GPR155: variants seen among roughly 807,000 people sequenced by gnomAD.
The protein encoded by GPR155 is G protein-coupled receptor 155.
A neutral mutation model predicts 93.1 loss-of-function variants in GPR155; 65 were observed. The observed-to-expected ratio is 0.70, with a 90% CI of 0.57 to 0.86. The LOEUF is 0.86. Ranked by LOEUF, GPR155 falls within the 40% of genes least tolerant of loss-of-function variation. The pLI is 0.00. For missense variants in GPR155, 838 were observed against 1,034.8 expected (o/e 0.81, Z 2.61); for synonymous variants, 319 against 360.1 (o/e 0.89, Z 1.29).
intron 10 of GPR155, among the ~76,000 whole-genome samples, chr2:174,459,070 G>A (rs1437446724): frequency 6.6e-6 from 1 of 152,024 alleles, no homozygotes; most frequent in African/African-American, 2.4e-5. Flanking sequence ...GTAACAGAGC[G>A]AGACTCTGTG....
rs575949195 is a variant in GPR155, at chr2:174,469,949, C to T, written c.1026+441G>A. Reference sequence around the variant, plus strand: ...CAATCTTAACTCACTGCAACCTCTGCCTCCTGGGTTCAAACAAATCTTGTG... The same window carrying T: ...CAATCTTAACTCACTGCAACCTCTGTCTCCTGGGTTCAAACAAATCTTGTG... On this transcript the variant is annotated intron_variant, in intron 4 of 15. Coordinates refer to ENST00000392552, the MANE Select transcript of GPR155 (RefSeq NM_152529.7). Among the ~76,000 whole-genome samples the T allele has an allele frequency of 3.9e-5, 6 of 152,262 alleles. No homozygotes were observed. In the South Asian group the frequency reaches 1.2e-3, roughly 32 times the overall value.
intron 11 of GPR155, 68 bp from the exon 12 acceptor site, chr2:174,446,815 T>A (rs1159003380): frequency 2.1e-6 from 3 of 1,425,422 alleles, no homozygotes; most frequent in Non-Finnish European, 2.9e-6. Context: ...AAATTTGTAA[T>A]GACTTCCTAA....
rs1044546018 is a variant in GPR155, at chr2:174,433,403, T to C, written c.*2713A>G. 1 of 152,232 alleles carries C rather than the reference T, an allele frequency of 6.6e-6. No individual in the cohort carries two copies. The highest frequency in any genetic ancestry group is 2.4e-5 in the African/African-American group (1 of 41,466). The allele number at this position is 152,232 out of a possible 1,614,324, so 9.4% of individuals were successfully genotyped here. On this transcript the variant is annotated 3_prime_UTR_variant, in exon 16 of 16. Transcript: ENST00000392552. The stretch of plus-strand genomic sequence containing the variant: ...CAGGAGAATAGAAGCTCCATGAGGA[T>C]AGGAATCATATTTGTTCCAACTGTT...
rs781534724 is a variant in GPR155 at position 174,470,575 on chromosome 2, A to T, written c.861-20T>A. On this transcript the variant is annotated intron_variant, in intron 3 of 15. Coordinates refer to ENST00000392552, the MANE Select transcript of GPR155 (RefSeq NM_152529.7). ...ACCAGACTGAAGAAAAAAGAAAAAC[A>T]TCATTTACCTGATATCAAAGCATGG... 23 of 1,605,158 alleles carry T rather than the reference A, an allele frequency of 1.4e-5. No homozygotes were observed. The Admixed American group carries it at 2.2e-4, about 15-fold the overall frequency.
chr2:174,464,086 A>G (rs1687773595), intron 7 of GPR155, among the ~76,000 whole-genome samples: 1 of 152,194 alleles, frequency 6.6e-6, no homozygotes, highest in Non-Finnish European at 1.5e-5. Flanking sequence ...CTATATACAA[A>G]CAGGCAGAAT....
intron 2 of GPR155, among the ~76,000 whole-genome samples, chr2:174,475,255 A>G (rs954969606): frequency 6.4e-5 from 8 of 124,798 alleles, no homozygotes; most frequent in African/African-American, 2.1e-4. Context: ...AGATCCCGCC[A>G]CTGCACTCCA....
intron 2 of GPR155, among the ~76,000 whole-genome samples, chr2:174,480,141 TC>T (rs1203772708): frequency 6.6e-6 from 1 of 152,190 alleles, no homozygotes; most frequent in African/African-American, 2.4e-5. Context: ...TTCAATTGTA[TC>T]CTTCAATAGG....
intron 15 of GPR155, 69 bp downstream of exon 15, chr2:174,439,829 C>T: frequency 3.7e-6 from 5 of 1,367,778 alleles, no homozygotes; most frequent in South Asian, 1.3e-5. Context: ...TAGCCTATTA[C>T]AATCCAAAAT....
intron 14 of GPR155, among the ~76,000 whole-genome samples, chr2:174,441,723 TTGTGTGTG>T (rs3043735): frequency 0.16 from 24,287 of 148,140 alleles, 5,695 homozygotes; most frequent in African/African-American, 0.52. Flanking sequence ...ATCAGTATCT[TTGTGTGTG>T]TGTGTGTGTG....
intron 11 of GPR155, among the ~76,000 whole-genome samples, chr2:174,447,251 C>T (rs1221582370): frequency 6.6e-6 from 1 of 150,852 alleles, no homozygotes; most frequent in African/African-American, 2.4e-5. Context: ...GCAGGAGAAT[C>T]GCTTGAACCC....
At chr2:174,461,364 C>T (rs758384474) in intron 9 of GPR155, 38 bp downstream of exon 9, 11 of 1,256,684 alleles carry the variant, frequency 8.8e-6, no homozygotes, top group Non-Finnish European at 1.2e-5. Context: ...TAAAAAGAGA[C>T]ATTCTCAAGA....
In GPR155 at chr2:174,432,707, G is replaced by A. The variant is rs1686670219; in HGVS notation, c.*3409C>T. 6.7e-6 allele frequency: 1 copy of A among 149,792 alleles called. No homozygotes were observed. Among genetic ancestry groups the A allele is most frequent in the Non-Finnish European group, 1.5e-5 (1 of 67,642 alleles). 9.3% of individuals were successfully genotyped at this position (149,792 alleles called of 1,614,324 possible). The stretch of plus-strand genomic sequence containing the variant: ...AACTTAAAATTGGTATAGGTTAATA[G>A]TACACTAAAGTATAATTTATTTGTT... On this transcript the variant is annotated 3_prime_UTR_variant, in exon 16 of 16. Coordinates refer to ENST00000392552, the MANE Select transcript of GPR155 (RefSeq NM_152529.7).
intron 7 of GPR155, among the ~76,000 whole-genome samples, chr2:174,464,235 GT>G (rs1687777914): frequency 6.6e-6 from 1 of 152,142 alleles, no homozygotes; most frequent in Admixed American, 6.5e-5. Context: ...GATTATAGGT[GT>G]CACAAAGGTG....
chr2:174,440,918 AAAG>A (rs1297689470), intron 14 of GPR155, among the ~76,000 whole-genome samples: 1 of 152,228 alleles, frequency 6.6e-6, no homozygotes, highest in Non-Finnish European at 1.5e-5. Flanking sequence ...AGTTTGATAA[AAAG>A]AGAAATTGTG....
intron 14 of GPR155, among the ~76,000 whole-genome samples, chr2:174,440,266 G>A (rs1559096211): frequency 6.6e-6 from 1 of 152,132 alleles, no homozygotes; most frequent in Non-Finnish European, 1.5e-5. Context: ...AAAGCATACT[G>A]GGGTGGAAGA....
intron 13 of GPR155, among the ~76,000 whole-genome samples, 190 bp from the exon 14 acceptor site, chr2:174,442,373 ATTC>A (rs1317227669): frequency 6.6e-6 from 1 of 152,148 alleles, no homozygotes; most frequent in Non-Finnish European, 1.5e-5. Context: ...TTTCCCAATC[ATTC>A]TATCCCACTC....
At chr2:174,486,186 G>A (rs1174285996) in intron 1 of GPR155, among the ~76,000 whole-genome samples, 1 of 152,170 alleles carries the variant, frequency 6.6e-6, no homozygotes, top group Non-Finnish European at 1.5e-5. Context: ...CTACCTACTT[G>A]CAGGGCGCCA....
chr2:174,431,619 A>G lies in GPR155; in HGVS notation c.*4497T>C, dbSNP rs1286551399. ...TATCATACCAATTGCAGAAATTTATAATCTCATCTTTTCTTGAAGAATGAT... is the reference window on the plus strand; with the variant it reads ...TATCATACCAATTGCAGAAATTTATGATCTCATCTTTTCTTGAAGAATGAT... On this transcript the variant is annotated 3_prime_UTR_variant, in exon 16 of 16. Coordinates refer to ENST00000392552, the MANE Select transcript of GPR155 (RefSeq NM_152529.7). 6.6e-6 allele frequency: 1 copy of G among 152,216 alleles called. No homozygotes were observed. Among genetic ancestry groups the G allele is most frequent in the Non-Finnish European group, 1.5e-5 (1 of 68,040 alleles). The allele number at this position is 152,216 out of a possible 1,614,324, so 9.4% of individuals were successfully genotyped here.
intron 1 of GPR155, among the ~76,000 whole-genome samples, chr2:174,484,937 A>G (rs369025208): frequency 8.5e-5 from 13 of 152,182 alleles, no homozygotes; most frequent in African/African-American, 2.6e-4. Context: ...TTAGAGGGAT[A>G]TTGTGTGGAT....
Sources: gnomAD v4.1 joint callset for allele counts (sites outside exome capture counted in the v4.1 genomes callset) on GRCh38, gnomAD v4.1.1 for gene constraint, MANE v1.5 for transcripts, NCBI Gene and HGNC (gene_info 2026-07-23, HGNC 2026-07-21) for gene names.